The following RAC2 variants were observed in gnomAD, a reference collection of about 807,000 sequenced individuals.
RAC2 encodes the protein Rac family small GTPase 2, also known as ras-related C3 botulinum toxin substrate 2.
A neutral mutation model predicts 24.0 loss-of-function variants in RAC2; 1 was observed. The observed-to-expected ratio is 0.04, with a 90% CI of 0.01 to 0.20. RAC2 has a LOEUF of 0.20. Among genes scored for constraint, RAC2 ranks in the 10% least tolerant of loss-of-function variants. RAC2 has a pLI of 1.00. For missense variants in RAC2, 130 were observed against 259.1 expected (o/e 0.50, Z 3.42); for synonymous variants, 114 against 106.8 (o/e 1.07, Z -0.41).
chr22:37,243,339 A>AGG (rs1927462990), intron 1 of RAC2, among the ~76,000 whole-genome samples: 1 of 152,140 alleles, frequency 6.6e-6, no homozygotes, highest in Admixed American at 6.5e-5. Flanking sequence ...TGAGGCCCCC[A>AGG]GGGGACAAGA....
At chr22:37,234,240 C>T (rs931198484) in intron 2 of RAC2, among the ~76,000 whole-genome samples, 7 of 152,228 alleles carry the variant, frequency 4.6e-5, no homozygotes, top group African/African-American at 1.7e-4. Flanking sequence ...GGAAGCCCAA[C>T]GAATGCTGGG....
chr22:37,237,348 T>C (rs1927261414), intron 2 of RAC2, among the ~76,000 whole-genome samples: 1 of 151,766 alleles, frequency 6.6e-6, no homozygotes. Flanking sequence ...GTGCTATTGG[T>C]TGAAAGATGA....
At chr22:37,239,366 T>C (rs1213123539) in intron 2 of RAC2, among the ~76,000 whole-genome samples, 1 of 152,148 alleles carries the variant, frequency 6.6e-6, no homozygotes. Context: ...CCCTGTGCAA[T>C]TGGATAGGTG....
At chr22:37,232,732 A>T in intron 3 of RAC2, 69 bp downstream of exon 3, 1 of 1,349,742 alleles carries the variant, frequency 7.4e-7, no homozygotes, top group South Asian at 1.2e-5. Flanking sequence ...GCTGGCTGGA[A>T]GGGCATCCCA....
chr22:37,238,149 C>T (rs964683574), intron 2 of RAC2, among the ~76,000 whole-genome samples: 9 of 152,122 alleles, frequency 5.9e-5, no homozygotes, highest in South Asian at 4.2e-4. Context: ...TCACGGTTTG[C>T]GCATTAAGAT....
chr22:37,233,502 C>T (rs530643504), intron 2 of RAC2, among the ~76,000 whole-genome samples: 1 of 152,140 alleles, frequency 6.6e-6, no homozygotes, highest in Non-Finnish European at 1.5e-5. Context: ...AGGCTGGTCT[C>T]GAACCCCTGA....
Position 37,241,678 on chromosome 22 carries a change from AG to A in RAC2, c.36-21del. Reference sequence around the variant, plus strand: ...ACGGCCCTGAAAGACAGGAAGTGCAAGAGGGCGGCGGTCATGGGCTCTGCCG... The same window carrying A: ...ACGGCCCTGAAAGACAGGAAGTGCAAAGGGCGGCGGTCATGGGCTCTGCCG... On this transcript the variant is annotated intron_variant, in intron 1 of 6. Transcript: ENST00000249071. 1 of 1,610,212 alleles carries A rather than the reference AG, an allele frequency of 6.2e-7. No homozygotes were observed. Among genetic ancestry groups the A allele is most frequent in the South Asian group, 1.1e-5 (1 of 90,996 alleles).
rs1927043404 is a variant in RAC2, at chr22:37,231,048, T to C, written c.448+183A>G. 6.6e-6 allele frequency among the ~76,000 whole-genome samples: 1 copy of C among 152,208 alleles called. No individual in the cohort carries two copies. The highest frequency in any genetic ancestry group is 1.5e-5 in the Non-Finnish European group (1 of 68,022). On this transcript the variant is annotated intron_variant, in intron 5 of 6. Coordinates refer to ENST00000249071, the MANE Select transcript of RAC2 (RefSeq NM_002872.5). The surrounding 1 kb of genome is among the most constrained non-coding windows in gnomAD (Gnocchi z 5.5). ...GAGCTATCACTATCCCATGCTTTTCTGATAAGGAAACACAGGCAGAGAGAG... is the reference window on the plus strand; with the variant it reads ...GAGCTATCACTATCCCATGCTTTTCCGATAAGGAAACACAGGCAGAGAGAG...
At chr22:37,233,136 A>C (rs1407600685) in intron 2 of RAC2, among the ~76,000 whole-genome samples, 1 of 152,202 alleles carries the variant, frequency 6.6e-6, no homozygotes, top group Non-Finnish European at 1.5e-5. Context: ...AGAAGAAAAA[A>C]AGATTGTCTC....
At chr22:37,233,721 A>G (rs1477671491) in intron 2 of RAC2, among the ~76,000 whole-genome samples, 1 of 152,168 alleles carries the variant, frequency 6.6e-6, no homozygotes, top group African/African-American at 2.4e-5. Flanking sequence ...GGGGAGGAAT[A>G]AAGGAGGGGA....
intron 2 of RAC2, among the ~76,000 whole-genome samples, chr22:37,233,583 G>A (rs1054074608): frequency 5.3e-5 from 8 of 152,174 alleles, no homozygotes; most frequent in African/African-American, 1.4e-4. Context: ...GCGCCCAGCC[G>A]CAATATTTTG....
At chr22:37,234,931 T>C (rs372969161) in intron 2 of RAC2, among the ~76,000 whole-genome samples, 7 of 152,222 alleles carry the variant, frequency 4.6e-5, no homozygotes, top group Admixed American at 2.0e-4. Context: ...AAAGAGCCCA[T>C]GGTTCCCTCT....
intron 2 of RAC2, among the ~76,000 whole-genome samples, chr22:37,238,374 C>T (rs1032809215): frequency 2.6e-5 from 4 of 151,988 alleles, no homozygotes; most frequent in African/African-American, 9.7e-5. Flanking sequence ...GTCGCTGGGA[C>T]TACAGGCATG....
chr22:37,240,412 G>A (rs934132408), intron 2 of RAC2, among the ~76,000 whole-genome samples: 1 of 152,230 alleles, frequency 6.6e-6, no homozygotes, highest in African/African-American at 2.4e-5. Context: ...CCCCATGGGT[G>A]TCCTGTGCAT....
intron 5 of RAC2, among the ~76,000 whole-genome samples, chr22:37,230,953 A>C (rs1294039713): frequency 6.6e-6 from 1 of 152,192 alleles, no homozygotes. Flanking sequence ...TGCTTCTCAC[A>C]CACAGGTGCT....
intron 2 of RAC2, among the ~76,000 whole-genome samples, chr22:37,233,582 C>T (rs1409261101): frequency 1.3e-5 from 2 of 152,202 alleles, no homozygotes; most frequent in Admixed American, 6.5e-5. Flanking sequence ...TGCGCCCAGC[C>T]GCAATATTTT....
rs1252898484 is a variant in RAC2 at position 37,230,736 on chromosome 22, T to A, written c.448+495A>T. Among the ~76,000 whole-genome samples the A allele has an allele frequency of 2.0e-5, 3 of 151,996 alleles. No individual in the cohort carries two copies. In the East Asian group the frequency reaches 5.8e-4, roughly 29 times the overall value. ...GAGGAGAGAAGGTGGTGGAAGGAAA[T>A]GTGTCACCCTTTAGATCTAATGCAG... On this transcript the variant is annotated intron_variant, in intron 5 of 6. Coordinates refer to ENST00000249071, the MANE Select transcript of RAC2 (RefSeq NM_002872.5).
intron 6 of RAC2, 126 bp downstream of exon 6, chr22:37,226,545 G>A: frequency 7.7e-7 from 1 of 1,296,832 alleles, no homozygotes; most frequent in Non-Finnish European, 1.1e-6. Context: ...TGCGGAAACT[G>A]AGGCAACCTC....
intron 2 of RAC2, among the ~76,000 whole-genome samples, chr22:37,237,811 C>T (rs9610686): frequency 0.41 from 61,715 of 151,440 alleles, 13,003 homozygotes; most frequent in African/African-American, 0.51. Flanking sequence ...ATAAGGGCCC[C>T]GTCCTCAGGG....
Sources: allele counts gnomAD v4.1 joint callset (sites outside exome capture counted in the v4.1 genomes callset), GRCh38; gene constraint gnomAD v4.1.1; non-coding constraint Gnocchi (gnomAD v3.1); transcripts MANE v1.5; gene names NCBI Gene and HGNC (gene_info 2026-07-23, HGNC 2026-07-21).